Variants in GRID1 observed in about 807,000 individuals in gnomAD.
GRID1 encodes the protein glutamate receptor ionotropic, delta-1.
In GRID1, 28 loss-of-function variants were observed where a neutral mutation model predicts 98.0. That is an observed-to-expected ratio of 0.29 (90% CI 0.21 to 0.39). The LOEUF is 0.39. GRID1 is among the 10% of genes least tolerant of loss of function. The probability of loss-of-function intolerance (pLI) is 1.00; values close to 1 mark genes in which losing one functional copy is unlikely to be tolerated. For missense variants in GRID1, 1,111 were observed against 1,340.5 expected, an observed-to-expected ratio of 0.83 and a Z score of 2.67; for synonymous variants, 553 against 538.5, an observed-to-expected ratio of 1.03 and a Z score of -0.37.
chr10:86,040,317 A>G (rs904323565), intron 4 of GRID1, among the ~76,000 whole-genome samples: 2 of 152,198 alleles, frequency 1.3e-5, no homozygotes, highest in African/African-American at 4.8e-5. Context: ...AGTGCTATTC[A>G]CAATAGTCAA....
intron 12 of GRID1, among the ~76,000 whole-genome samples, chr10:85,683,903 G>A (rs570106511): frequency 3.3e-5 from 5 of 152,100 alleles, no homozygotes; most frequent in African/African-American, 4.8e-5. Context: ...ATTTTCTCTC[G>A]CTGGGCACAA....
chr10:86,059,903 T>C (rs1219195616), intron 4 of GRID1, among the ~76,000 whole-genome samples: 1 of 152,044 alleles, frequency 6.6e-6, no homozygotes, highest in Admixed American at 6.5e-5. Context: ...AAAAAAACAC[T>C]CTCCTAATAT....
chr10:85,955,486 G>A (rs1842177339), intron 4 of GRID1, among the ~76,000 whole-genome samples: 1 of 152,292 alleles, frequency 6.6e-6, no homozygotes, highest in South Asian at 2.1e-4. Context: ...CTACCTAGGA[G>A]GGTCTCTGTA....
intron 4 of GRID1, among the ~76,000 whole-genome samples, chr10:86,030,687 G>C (rs1466049467): frequency 6.6e-6 from 1 of 152,212 alleles, no homozygotes; most frequent in Non-Finnish European, 1.5e-5. Context: ...CCAGAGTGGG[G>C]AATGATATAG....
chr10:86,105,842 T>C (rs1469385099), intron 4 of GRID1, among the ~76,000 whole-genome samples: 1 of 152,154 alleles, frequency 6.6e-6, no homozygotes, highest in Non-Finnish European at 1.5e-5. Context: ...CTAACTGGCC[T>C]GGGCACCACA....
chr10:85,768,521 T>C (rs1443869422), intron 8 of GRID1, among the ~76,000 whole-genome samples: 1 of 152,034 alleles, frequency 6.6e-6, no homozygotes, highest in East Asian at 1.9e-4. Flanking sequence ...TGTATAAAAC[T>C]CCTATAAATA....
intron 8 of GRID1, among the ~76,000 whole-genome samples, chr10:85,784,581 T>C (rs1009051787): frequency 6.6e-6 from 1 of 152,202 alleles, no homozygotes; most frequent in South Asian, 2.1e-4. Context: ...ATTTATCCTG[T>C]CCCAATTCTA....
intron 2 of GRID1, among the ~76,000 whole-genome samples, chr10:86,337,571 G>C (rs1476317743): frequency 1.3e-5 from 2 of 152,162 alleles, no homozygotes; most frequent in East Asian, 3.9e-4. Context: ...AACCCCAGAG[G>C]TCAATGTCTA....
At chr10:86,136,387 T>C (rs1844925165) in intron 4 of GRID1, among the ~76,000 whole-genome samples, 1 of 152,216 alleles carries the variant, frequency 6.6e-6, no homozygotes. Context: ...GCATGCCCTA[T>C]TTCCCCACTC....
At chr10:86,272,384 G>A (rs1847198634) in intron 2 of GRID1, among the ~76,000 whole-genome samples, 1 of 152,190 alleles carries the variant, frequency 6.6e-6, no homozygotes, top group South Asian at 2.1e-4. Flanking sequence ...GGAAGGTATT[G>A]TGGCATTTTT....
chr10:86,019,266 G>A (rs758639577), intron 4 of GRID1, among the ~76,000 whole-genome samples: 8 of 152,212 alleles, frequency 5.3e-5, no homozygotes, highest in South Asian at 2.1e-4. Flanking sequence ...GACAATGCTT[G>A]TCCTCACACA....
chr10:85,671,319 T>A (rs913394187), intron 12 of GRID1, among the ~76,000 whole-genome samples: 1 of 152,252 alleles, frequency 6.6e-6, no homozygotes, highest in Non-Finnish European at 1.5e-5. Context: ...CAATAGCATG[T>A]GCTCACTTCA....
intron 8 of GRID1, among the ~76,000 whole-genome samples, chr10:85,814,729 TAAG>T (rs1842701513): frequency 6.6e-6 from 1 of 151,886 alleles, no homozygotes. Flanking sequence ...ATAAACTACT[TAAG>T]AAGAAATAGA....
intron 2 of GRID1, among the ~76,000 whole-genome samples, chr10:86,239,480 T>TA (rs1846593496): frequency 1.3e-5 from 2 of 152,162 alleles, no homozygotes; most frequent in African/African-American, 4.8e-5. Context: ...TGCAATGTGA[T>TA]AAAAAATGAG....
chr10:86,167,009 G>A (rs1845408342), intron 3 of GRID1, among the ~76,000 whole-genome samples: 1 of 152,212 alleles, frequency 6.6e-6, no homozygotes. Context: ...CAGAAAGGCT[G>A]AATGGGGAGC....
In GRID1 at chr10:86,106,829, G is replaced by A. The variant is rs562635156; in HGVS notation, c.726+31990C>T. 1.2e-4 allele frequency among the ~76,000 whole-genome samples: 18 copies of A among 152,256 alleles called. No individual in the cohort carries two copies. In the South Asian group the frequency reaches 1.7e-3, roughly 14 times the overall value. On this transcript the variant is annotated intron_variant, in intron 4 of 15. Coordinates refer to ENST00000327946, the MANE Select transcript of GRID1 (RefSeq NM_017551.3). The stretch of plus-strand genomic sequence containing the variant: ...AATGGGCAGGCTCCAGGATGAGGCC[G>A]TTGGAGGTGGCGGCTAAGATGGGAT...
chr10:85,748,485 C>T (rs11201773), intron 8 of GRID1, among the ~76,000 whole-genome samples: 18,163 of 152,004 alleles, frequency 0.12, 1,249 homozygotes, highest in Middle Eastern at 0.22. Flanking sequence ...AAATTGATAT[C>T]GTATTAGCAA....
intron 13 of GRID1, among the ~76,000 whole-genome samples, chr10:85,637,310 A>G (rs759020338): frequency 3.3e-5 from 5 of 152,224 alleles, no homozygotes; most frequent in Non-Finnish European, 7.3e-5. Flanking sequence ...TAAATGTATA[A>G]CCTAAAGATT....
At chr10:86,043,966 T>G (rs1843384016) in intron 4 of GRID1, among the ~76,000 whole-genome samples, 1 of 152,220 alleles carries the variant, frequency 6.6e-6, no homozygotes, top group East Asian at 1.9e-4. Flanking sequence ...ATTGAAAGAC[T>G]TAATAAACAT....
Sources: allele counts gnomAD v4.1 joint callset (sites outside exome capture counted in the v4.1 genomes callset), GRCh38; gene constraint gnomAD v4.1.1; transcripts MANE v1.5; gene names NCBI Gene and HGNC (gene_info 2026-07-23, HGNC 2026-07-21).